The following GATC variants were observed in gnomAD, a reference collection of about 807,000 sequenced individuals.
The protein encoded by GATC is glutamyl-tRNA amidotransferase subunit C.
Under a neutral mutation model 14.4 loss-of-function variants are expected in GATC, and 11 were observed. The observed-to-expected ratio is 0.77, with a 90% confidence interval of 0.48 to 1.27. GATC has a LOEUF of 1.27. Ranked by LOEUF, GATC falls within the 50% of genes most tolerant of loss-of-function variation. The pLI is 0.00. For synonymous variants in GATC, 76 were observed against 79.3 expected (o/e 0.96, Z 0.22); for missense variants, 204 against 183.0 (o/e 1.11, Z -0.66).
At position 120,446,666 on chromosome 12, in the gene GATC, C is replaced by T. The variant is rs772572467; in HGVS notation, c.91C>T (p.Arg31Trp). 2 of 1,611,484 alleles carry T rather than the reference C, an allele frequency of 1.2e-6. No individual in the cohort carries two copies. The highest frequency in any genetic ancestry group is 1.7e-6 in the Non-Finnish European group (2 of 1,178,820). ...CTCATCCCTCCTCCAGGGCAGTGGC[C>T]GGATCACGGCTGCGGTGATCGAGCA... is the stretch of plus-strand genomic sequence containing the variant. ...TSKADPQGSG[R>W]ITAAVIEHLE... Residue 31 changes from arginine to tryptophan, a missense_variant, in exon 2 of 4, where the codon CGG (arginine) becomes TGG (tryptophan). Physicochemically the swap from Arg to Trp is moderately radical, Grantham distance 101. Transcript: ENST00000551765.
intron 2 of GATC, among the ~76,000 whole-genome samples, chr12:120,448,501 G>C (rs1334244047): frequency 6.6e-6 from 1 of 151,014 alleles, no homozygotes; most frequent in African/African-American, 2.4e-5. Flanking sequence ...GCTAGTTTTT[G>C]CATTTTTAGT....
chr12:120,462,196 G>A lies in GATC; in HGVS notation c.*2237G>A. 5.1e-6 allele frequency: 8 copies of A among 1,569,442 alleles called. No individual in the cohort carries two copies. Among genetic ancestry groups the A allele is most frequent in the Non-Finnish European group, 5.2e-6 (6 of 1,156,022 alleles). Reference sequence around the variant, plus strand: ...CAAACAAAAACAAAAAGAGTAAAGGGGAAAAAAATCAGAGCCAGAAGAATA... The same window carrying A: ...CAAACAAAAACAAAAAGAGTAAAGGAGAAAAAAATCAGAGCCAGAAGAATA... On this transcript the variant is annotated 3_prime_UTR_variant, in exon 4 of 4. Coordinates refer to ENST00000551765, the MANE Select transcript of GATC (RefSeq NM_176818.3).
chr12:120,454,788 A>G (rs1878136364), intron 2 of GATC: 1 of 186,932 alleles, frequency 5.3e-6, no homozygotes, highest in African/African-American at 2.3e-5. Context: ...TTTGAATAGT[A>G]TAATTATGAT....
intron 2 of GATC, 64 bp from the exon 3 acceptor site, chr12:120,457,011 CT>C: frequency 9.8e-7 from 1 of 1,017,328 alleles, no homozygotes; most frequent in Non-Finnish European, 1.6e-6. Flanking sequence ...CTTCTTGCCC[CT>C]CTCCATCATC....
chr12:120,460,235 T>C lies in GATC; in HGVS notation c.*276T>C. 1 of 280,258 alleles carries C rather than the reference T, an allele frequency of 3.6e-6. No individual in the cohort carries two copies. Among genetic ancestry groups the C allele is most frequent in the Non-Finnish European group, 6.8e-6 (1 of 146,856 alleles). The allele number at this position is 280,258 out of a possible 1,614,324, so 17.4% of individuals were successfully genotyped here. On this transcript the variant is annotated 3_prime_UTR_variant, in exon 4 of 4. Coordinates refer to ENST00000551765, the MANE Select transcript of GATC (RefSeq NM_176818.3). The stretch of plus-strand genomic sequence containing the variant: ...GCCTGTTCAGTATGGAAGACATTAT[T>C]TATCTGCCTTTAACTCCCCCCAAAG...
rs556057268 is a variant in GATC at position 120,460,779 on chromosome 12, G to C, written c.*820G>C. The C allele has an allele frequency of 2.0e-5, 3 of 152,138 alleles. No homozygotes were observed. The highest frequency in any genetic ancestry group is 4.4e-5 in the Non-Finnish European group (3 of 68,038). The allele number at this position is 152,138 out of a possible 1,614,324, so 9.4% of individuals were successfully genotyped here. ...CCAGCACTTTGGGAGGCTGAGACGG[G>C]CGGATCACAAGGTCAGGAGATCAAG... On this transcript the variant is annotated 3_prime_UTR_variant, in exon 4 of 4. Transcript: ENST00000551765.
chr12:120,459,198 CA>C (rs1466198023), intron 3 of GATC, among the ~76,000 whole-genome samples: 1 of 152,108 alleles, frequency 6.6e-6, no homozygotes, highest in Non-Finnish European at 1.5e-5. Flanking sequence ...TCCACTAAAC[CA>C]CCTGTTAACT....
chr12:120,451,160 A>AAAAAGG (rs1565913155), intron 2 of GATC, among the ~76,000 whole-genome samples: 1 of 139,472 alleles, frequency 7.2e-6, no homozygotes. Flanking sequence ...AAAAAAAAAA[A>AAAAAGG]GGTAGACTGG....
rs1400334742 is a variant in GATC at position 120,451,880 on chromosome 12, T to TTTTTTTTCTTTTTC, written c.254+5058_254+5059insCTTTTTCTTTTTTT. 1.0e-4 allele frequency among the ~76,000 whole-genome samples: 13 copies of TTTTTTTTCTTTTTC among 125,914 alleles called. No homozygotes were observed. The East Asian group carries it at 3.1e-3, about 30-fold the overall frequency. The allele number at this position is 125,914 out of a possible 152,430, so 82.6% of individuals were successfully genotyped here. The stretch of plus-strand genomic sequence containing the variant: ...GCTAATAAATTATATAAATTCTTTT[T>TTTTTTTTCTTTTTC]TTTTTTTTTTTTTTTGAGCTGGAGT... On this transcript the variant is annotated intron_variant, in intron 2 of 3. Coordinates refer to ENST00000551765, the MANE Select transcript of GATC (RefSeq NM_176818.3).
rs573397097 is a variant in GATC, at chr12:120,456,508, C to T, written c.255-568C>T. On this transcript the variant is annotated intron_variant, in intron 2 of 3. Transcript: ENST00000551765. ...CTGCTTAGCTTTCCAGCTTCATCTT[C>T]CACCCCGGCAGACCACACCCCAGCC... Among the ~76,000 whole-genome samples the T allele has an allele frequency of 2.0e-5, 3 of 152,322 alleles. No individual in the cohort carries two copies. In the South Asian group the frequency reaches 6.2e-4, roughly 32 times the overall value.
intron 2 of GATC, among the ~76,000 whole-genome samples, chr12:120,448,280 C>T (rs1877933253): frequency 6.6e-6 from 1 of 151,878 alleles, no homozygotes; most frequent in East Asian, 1.9e-4. Context: ...TGGTCTCAAA[C>T]TCCTGGTCTC....
At chr12:120,448,355 G>A (rs1461909638) in intron 2 of GATC, among the ~76,000 whole-genome samples, 2 of 146,600 alleles carry the variant, frequency 1.4e-5, no homozygotes, top group Non-Finnish European at 3.0e-5. Flanking sequence ...TTGAGGTGGA[G>A]TCCTGCCCCA....
At position 120,453,830 on chromosome 12, in the gene GATC, A is replaced by AAAC. The variant is rs145076050; in HGVS notation, c.255-3222_255-3220dup. Among the ~76,000 whole-genome samples, 281 of 150,576 alleles carry AAAC rather than the reference A, an allele frequency of 1.9e-3. 2 individuals carry two copies. Among genetic ancestry groups the AAAC allele is most frequent in the South Asian group, 0.016 (78 of 4,772 alleles). ...GACCCTGTCTCAAAAAAAAAAAGTAAAACAACAACAACAACAACAACAACA... is the reference window on the plus strand; with the variant it reads ...GACCCTGTCTCAAAAAAAAAAAGTAAAACAACAACAACAACAACAACAACAACA... On this transcript the variant is annotated intron_variant, in intron 2 of 3. Transcript: ENST00000551765.
chr12:120,448,196 A>G (rs1258436060), intron 2 of GATC, among the ~76,000 whole-genome samples: 2 of 151,928 alleles, frequency 1.3e-5, no homozygotes, highest in Non-Finnish European at 2.9e-5. Context: ...AGCTGGGACT[A>G]TAGGTGTGCA....
Position 120,462,059 on chromosome 12 carries a change from C to T in GATC, c.*2100C>T, listed in dbSNP as rs1338335039. On this transcript the variant is annotated 3_prime_UTR_variant, in exon 4 of 4. Transcript: ENST00000551765. ...AGGAGAGAAGTAGTGTGGGGAACCC[C>T]TGCTTTGGTATGGAGAGTCACGGCC... 1 of 1,611,950 alleles carries T rather than the reference C, an allele frequency of 6.2e-7. No homozygotes were observed. The highest frequency in any genetic ancestry group is 1.3e-5 in the African/African-American group (1 of 74,918).
intron 2 of GATC, among the ~76,000 whole-genome samples, chr12:120,451,437 C>T (rs764738973): frequency 2.0e-5 from 3 of 151,488 alleles, no homozygotes; most frequent in Non-Finnish European, 4.4e-5. Context: ...GAGTGAGACT[C>T]CGTCTTAAAA....
rs1209314477 is a variant in GATC at position 120,461,449 on chromosome 12, AT to A, written c.*1493del. 1 of 152,048 alleles carries A rather than the reference AT, an allele frequency of 6.6e-6. No homozygotes were observed. The highest frequency in any genetic ancestry group is 1.5e-5 in the Non-Finnish European group (1 of 68,026). 9.4% of individuals were successfully genotyped at this position (152,048 alleles called of 1,614,324 possible). On this transcript the variant is annotated 3_prime_UTR_variant, in exon 4 of 4. Transcript: ENST00000551765. ...ATGCTTTTTTCTTTAAGGCAGCCTA[AT>A]TTACAAGCTTGGCCTTGAATTAAAA... is the stretch of plus-strand genomic sequence containing the variant.
chr12:120,446,494 T>G lies in GATC; in HGVS notation c.14T>G (p.Leu5Trp), dbSNP rs147874381. The change falls in exon 1 of 4, where the codon TTG becomes TGG. Residue 5 changes from leucine (L) to tryptophan (W), a missense_variant. Coordinates refer to ENST00000551765, the MANE Select transcript of GATC (RefSeq NM_176818.3). The stretch of plus-strand genomic sequence containing the variant: ...AGGAAGGAAGAAATGTGGTCGCGGT[T>G]GGTGTGGCTGGGCCTTCGGGCCCCT... Reference protein sequence around the residue: MWSRLVWLGLRAPLG... With the variant: MWSRWVWLGLRAPLG... 6.2e-6 allele frequency: 10 copies of G among 1,607,102 alleles called. No individual in the cohort carries two copies. The African/African-American group carries it at 1.2e-4, about 19-fold the overall frequency.
intron 2 of GATC, among the ~76,000 whole-genome samples, chr12:120,448,632 A>G (rs1297749313): frequency 7.0e-6 from 1 of 141,886 alleles, no homozygotes; most frequent in Non-Finnish European, 1.5e-5. Context: ...CTGGCCAAAA[A>G]AGTCCATTCC....
Sources: gnomAD v4.1 joint callset for allele counts (sites outside exome capture counted in the v4.1 genomes callset) on GRCh38, gnomAD v4.1.1 for gene constraint, MANE v1.5 for transcripts, NCBI Gene and HGNC (gene_info 2026-07-23, HGNC 2026-07-21) for gene names.